Variants in GLYR1 observed in about 807,000 individuals in gnomAD.
GLYR1 encodes cytokine-like nuclear factor N-PAC.
Under a neutral mutation model 72.7 loss-of-function variants are expected in GLYR1, and 21 were observed. That is an observed-to-expected ratio of 0.29 (90% CI 0.20 to 0.42). GLYR1 has a LOEUF of 0.42. Among genes scored for constraint, GLYR1 ranks in the 10% least tolerant of loss-of-function variants. The pLI, the probability that GLYR1 is intolerant of heterozygous loss-of-function variation, is 1.00. For synonymous variants in GLYR1, 392 were observed against 270.2 expected, an observed-to-expected ratio of 1.45 and a Z score of -4.42; for missense variants, 594 against 712.1, an observed-to-expected ratio of 0.83 and a Z score of 1.89.
At chr16:4,831,027 A>G (rs1369964315) in intron 5 of GLYR1, among the ~76,000 whole-genome samples, 1 of 152,108 alleles carries the variant, frequency 6.6e-6, no homozygotes. Context: ...TGACATTCCA[A>G]ACAGAACTGG....
intron 3 of GLYR1, among the ~76,000 whole-genome samples, chr16:4,841,971 A>G (rs2085586154): frequency 6.6e-6 from 1 of 152,042 alleles, no homozygotes; most frequent in Admixed American, 6.5e-5. Flanking sequence ...GCTGAGTGCG[A>G]TGGCTCACGC....
chr16:4,844,257 T>C (rs896874096), intron 3 of GLYR1, among the ~76,000 whole-genome samples: 9 of 152,242 alleles, frequency 5.9e-5, no homozygotes, highest in Non-Finnish European at 1.3e-4. Flanking sequence ...ACATGTTATA[T>C]GGTCAGAGTC....
intron 1 of GLYR1, among the ~76,000 whole-genome samples, chr16:4,846,418 C>T (rs1056138356): frequency 1.3e-5 from 2 of 152,208 alleles, no homozygotes; most frequent in Non-Finnish European, 2.9e-5. Flanking sequence ...CTTCTGTTGA[C>T]AAGGAATACA....
At chr16:4,810,484 T>A (rs1215630579) in intron 15 of GLYR1, among the ~76,000 whole-genome samples, 1 of 151,300 alleles carries the variant, frequency 6.6e-6, no homozygotes, top group East Asian at 2.0e-4. Flanking sequence ...CACTCCAGCC[T>A]GGGCGACAGA....
chr16:4,822,823 C>T, intron 7 of GLYR1, 52 bp downstream of exon 7: 1 of 1,453,918 alleles, frequency 6.9e-7, no homozygotes, highest in South Asian at 1.1e-5. Flanking sequence ...AGTGGAGGAG[C>T]ACTCCTTGGC....
At chr16:4,817,099 A>G (rs1215322387) in intron 10 of GLYR1, among the ~76,000 whole-genome samples, 1 of 150,834 alleles carries the variant, frequency 6.6e-6, no homozygotes, top group African/African-American at 2.4e-5. Context: ...GAACGCCACC[A>G]TACCCAGCTA....
rs192950723 is a variant in GLYR1, at chr16:4,815,994, C to T, written c.907-1347G>A. Among the ~76,000 whole-genome samples, 333 of 146,920 alleles carry T rather than the reference C, an allele frequency of 2.3e-3. 2 individuals carry two copies. Among genetic ancestry groups the T allele is most frequent in the African/African-American group, 7.7e-3 (319 of 41,218 alleles). On this transcript the variant is annotated intron_variant, in intron 10 of 15. Transcript: ENST00000321919. ...GACGGGGTTTCACCGAGGTCTCGATCTCCTGACCTCGTTATCCCCCAGTCT... is the reference window on the plus strand; with the variant it reads ...GACGGGGTTTCACCGAGGTCTCGATTTCCTGACCTCGTTATCCCCCAGTCT...
At chr16:4,820,921 C>A (rs1018324523) in intron 9 of GLYR1, among the ~76,000 whole-genome samples, 1 of 152,236 alleles carries the variant, frequency 6.6e-6, no homozygotes, top group Non-Finnish European at 1.5e-5. Context: ...CATCTCCCTT[C>A]CCCCACCTGC....
chr16:4,811,528 G>C (rs2083321922), intron 14 of GLYR1, 95 bp downstream of exon 14: 1 of 1,463,168 alleles, frequency 6.8e-7, no homozygotes. Context: ...GGGACTGACT[G>C]GGGAGGGGCA....
intron 15 of GLYR1, among the ~76,000 whole-genome samples, chr16:4,807,698 C>A (rs1205314025): frequency 6.6e-6 from 1 of 152,192 alleles, no homozygotes; most frequent in African/African-American, 2.4e-5. Context: ...AGGGTGGAGG[C>A]AACTTGGAAG....
At chr16:4,840,134 C>T (rs942045341) in intron 3 of GLYR1, 3 of 152,460 alleles carry the variant, frequency 2.0e-5, no homozygotes, top group African/African-American at 4.8e-5. Context: ...CCTGTTTACA[C>T]CACCTCTTAA....
intron 5 of GLYR1, among the ~76,000 whole-genome samples, chr16:4,827,075 C>G (rs1381036104): frequency 6.6e-6 from 1 of 152,246 alleles, no homozygotes; most frequent in Non-Finnish European, 1.5e-5. Context: ...TGGGGTGCAG[C>G]TCTTACATGC....
chr16:4,817,754 T>C (rs1331497514), intron 9 of GLYR1, 57 bp from the exon 10 acceptor site: 2 of 1,069,542 alleles, frequency 1.9e-6, no homozygotes, highest in African/African-American at 1.6e-5. Context: ...ACGGTGATGA[T>C]GATTCCATGC....
At chr16:4,818,235 T>C (rs56164846) in intron 9 of GLYR1, among the ~76,000 whole-genome samples, 5,554 of 152,244 alleles carry the variant, frequency 0.036, 158 homozygotes, top group Middle Eastern at 0.1. Context: ...CCTCGTGATC[T>C]GCCCACCTCG....
At chr16:4,820,229 T>C (rs917755488) in intron 9 of GLYR1, among the ~76,000 whole-genome samples, 3 of 152,214 alleles carry the variant, frequency 2.0e-5, no homozygotes, top group African/African-American at 7.2e-5. Context: ...CCTCAGGTAA[T>C]CCGCCCACCT....
At chr16:4,818,185 G>C (rs781350575) in intron 9 of GLYR1, among the ~76,000 whole-genome samples, 2 of 152,120 alleles carry the variant, frequency 1.3e-5, no homozygotes, top group Non-Finnish European at 2.9e-5. Flanking sequence ...AGTAGAGACA[G>C]GGTTTCACCA....
intron 3 of GLYR1, among the ~76,000 whole-genome samples, chr16:4,836,129 T>C (rs1303317379): frequency 6.6e-6 from 1 of 152,142 alleles, no homozygotes; most frequent in Non-Finnish European, 1.5e-5. Context: ...GAATATGCTT[T>C]TCAGTTGGCG....
At chr16:4,831,848 G>T in intron 5 of GLYR1, 131 bp downstream of exon 5, 1 of 1,317,440 alleles carries the variant, frequency 7.6e-7, no homozygotes, top group Non-Finnish European at 1.0e-6. Flanking sequence ...GGATTCTTGA[G>T]CACAGAATTC....
chr16:4,837,150 T>C (rs1040269961), intron 3 of GLYR1, among the ~76,000 whole-genome samples: 6 of 152,224 alleles, frequency 3.9e-5, no homozygotes, highest in African/African-American at 9.6e-5. Flanking sequence ...AAATCATACA[T>C]GTAGGGCCCG....
Sources: allele counts gnomAD v4.1 joint callset (sites outside exome capture counted in the v4.1 genomes callset), GRCh38; gene constraint gnomAD v4.1.1; transcripts MANE v1.5; gene names NCBI Gene and HGNC (gene_info 2026-07-23, HGNC 2026-07-21).